KIF1B: variants seen among roughly 807,000 people sequenced by gnomAD.
KIF1B encodes kinesin-like protein KIF1B.
Under a neutral mutation model 241.9 loss-of-function variants are expected in KIF1B, and 76 were observed. That is an observed-to-expected ratio of 0.31 (90% confidence interval 0.26 to 0.38). The LOEUF (loss-of-function observed/expected upper bound fraction) is 0.38. Among genes scored for constraint, KIF1B ranks in the 10% least tolerant of loss-of-function variants. KIF1B has a pLI of 1.00. For synonymous variants in KIF1B, 750 were observed against 796.7 expected, an observed-to-expected ratio of 0.94 and a Z score of 0.99; for missense variants, 1,622 against 2,271.4, an observed-to-expected ratio of 0.71 and a Z score of 5.81.
chr1:10,281,587 C>G (rs1164338677), intron 14 of KIF1B, among the ~76,000 whole-genome samples: 1 of 152,134 alleles, frequency 6.6e-6, no homozygotes, highest in African/African-American at 2.4e-5. Context: ...TTATTTTTTG[C>G]TTGCTCTGAC....
At chr1:10,344,474 A>C (rs1458741326) in intron 34 of KIF1B, among the ~76,000 whole-genome samples, 1 of 152,226 alleles carries the variant, frequency 6.6e-6, no homozygotes, top group African/African-American at 2.4e-5. Context: ...CAGCTTCTCT[A>C]CATGTGCCTC....
At chr1:10,264,742 A>G (rs1302838892) in intron 5 of KIF1B, among the ~76,000 whole-genome samples, 3 of 150,728 alleles carry the variant, frequency 2.0e-5, no homozygotes, top group Admixed American at 6.6e-5. Context: ...GCTCACTTCA[A>G]CCTCCGCCTC....
chr1:10,248,999 A>G (rs1647299231), intron 2 of KIF1B, among the ~76,000 whole-genome samples: 1 of 152,240 alleles, frequency 6.6e-6, no homozygotes, highest in African/African-American at 2.4e-5. Flanking sequence ...TATGAAGTCT[A>G]TAATACTTTT....
At chr1:10,254,138 G>A (rs903905760) in intron 2 of KIF1B, among the ~76,000 whole-genome samples, 2 of 152,200 alleles carry the variant, frequency 1.3e-5, no homozygotes, top group East Asian at 3.8e-4. Context: ...AAAGCTTTGT[G>A]TGTATGAGTG....
intron 5 of KIF1B, among the ~76,000 whole-genome samples, 167 bp from the exon 6 acceptor site, chr1:10,267,213 T>C (rs1254037757): frequency 2.0e-5 from 3 of 152,142 alleles, no homozygotes; most frequent in Non-Finnish European, 4.4e-5. Flanking sequence ...GAGACGGGAT[T>C]TCACCATGTT....
At chr1:10,362,497 A>G (rs939076644) in intron 40 of KIF1B, among the ~76,000 whole-genome samples, 1 of 150,778 alleles carries the variant, frequency 6.6e-6, no homozygotes, top group African/African-American at 2.4e-5. Flanking sequence ...AAAAGAAAAG[A>G]AAAAGGAAAA....
At chr1:10,329,955 G>T (rs913444454) in intron 27 of KIF1B, among the ~76,000 whole-genome samples, 7 of 152,142 alleles carry the variant, frequency 4.6e-5, no homozygotes, top group African/African-American at 1.7e-4. Flanking sequence ...TAAAGATGAT[G>T]ATTCTGTGAT....
Position 10,326,384 on chromosome 1 carries a change from G to A in KIF1B, c.2924+25G>A. On this transcript the variant is annotated intron_variant, in intron 27 of 48. Transcript: ENST00000676179. The surrounding 1 kb of genome is among the most constrained non-coding windows in gnomAD (Gnocchi z 5.2). ...GGTTGGTGAGGTTATTGTGAGAAAGGCGAAAAGGGACCAGCTCTTGCTCTG... is the reference window on the plus strand; with the variant it reads ...GGTTGGTGAGGTTATTGTGAGAAAGACGAAAAGGGACCAGCTCTTGCTCTG... 1 of 1,613,850 alleles carries A rather than the reference G, an allele frequency of 6.2e-7. No homozygotes were observed. The highest frequency in any genetic ancestry group is 8.5e-7 in the Non-Finnish European group (1 of 1,180,024).
In KIF1B at chr1:10,337,062, C is replaced by T; in HGVS notation, c.3130-12C>T. On this transcript the variant is annotated splice_polypyrimidine_tract_variant and intron_variant, in intron 29 of 48. Transcript: ENST00000676179. The surrounding 1 kb of genome is among the most constrained non-coding windows in gnomAD (Gnocchi z 4.0). ...CTACTTTACCATGTATCTGCCCCTG[C>T]CTTTTTTTCAGAGTGACTTTTCGTC... The T allele has an allele frequency of 6.2e-7, 1 of 1,614,088 alleles. No homozygotes were observed. Among genetic ancestry groups the T allele is most frequent in the South Asian group, 1.1e-5 (1 of 91,068 alleles).
intron 1 of KIF1B, among the ~76,000 whole-genome samples, chr1:10,213,759 G>A (rs1228991629): frequency 6.6e-6 from 1 of 152,136 alleles, no homozygotes; most frequent in African/African-American, 2.4e-5. Flanking sequence ...GAATAAATAT[G>A]CATACTTCTT....
intron 40 of KIF1B, among the ~76,000 whole-genome samples, chr1:10,362,491 G>T (rs900960196): frequency 4.5e-5 from 5 of 110,740 alleles, no homozygotes; most frequent in Non-Finnish European, 9.8e-5. Context: ...TTAAAAAAAA[G>T]AAAAGAAAAA....
chr1:10,318,488 A>G lies in KIF1B; in HGVS notation c.2116-1555A>G, dbSNP rs187475351. 1.5e-4 allele frequency among the ~76,000 whole-genome samples: 22 copies of G among 151,620 alleles called. No homozygotes were observed. The East Asian group carries it at 3.9e-3, about 27-fold the overall frequency. On this transcript the variant is annotated intron_variant, in intron 22 of 48. Transcript: ENST00000676179. ...TGTAATCCCAGCACTTTGGGAGGCC[A>G]AGGTGGGCAGATCGTGAGGTCAGGA...
At chr1:10,219,109 T>C (rs1047418475) in intron 1 of KIF1B, among the ~76,000 whole-genome samples, 3 of 152,184 alleles carry the variant, frequency 2.0e-5, no homozygotes, top group Non-Finnish European at 4.4e-5. Flanking sequence ...GAAACCTTTT[T>C]TCCTAGTATT....
chr1:10,348,491 C>G (rs1009748287), intron 36 of KIF1B, among the ~76,000 whole-genome samples, 158 bp from the exon 37 acceptor site: 2 of 152,190 alleles, frequency 1.3e-5, no homozygotes, highest in African/African-American at 4.8e-5. Context: ...TGACACATCT[C>G]CCTTTGTTTT....
chr1:10,229,935 A>G lies in KIF1B; in HGVS notation c.-79-2315A>G, dbSNP rs574574848. Among the ~76,000 whole-genome samples, 20 of 149,610 alleles carry G rather than the reference A, an allele frequency of 1.3e-4. No homozygotes were observed. The South Asian group carries it at 3.6e-3, about 27-fold the overall frequency. On this transcript the variant is annotated intron_variant, in intron 1 of 48. Transcript: ENST00000676179. Reference sequence around the variant, plus strand: ...GGGCCAGACGTGGTGGCTCACACCTATAATCCCAGCACTTTGGGAGGCTGA... The same window carrying G: ...GGGCCAGACGTGGTGGCTCACACCTGTAATCCCAGCACTTTGGGAGGCTGA...
chr1:10,352,804 C>G lies in KIF1B; in HGVS notation c.4055+68C>G, dbSNP rs569236149. On this transcript the variant is annotated intron_variant, in intron 38 of 48. Transcript: ENST00000676179. Reference sequence around the variant, plus strand: ...CGTTAATTGGTACACCGTTAGGTGCCTTATTCATTAATGACTCCCAGTTCG... The same window carrying G: ...CGTTAATTGGTACACCGTTAGGTGCGTTATTCATTAATGACTCCCAGTTCG... The G allele has an allele frequency of 1.5e-5, 17 of 1,115,070 alleles. No individual in the cohort carries two copies. The African/African-American group carries it at 2.1e-4, about 14-fold the overall frequency. 69.1% of individuals were successfully genotyped at this position (1,115,070 alleles called of 1,614,324 possible).
At chr1:10,273,170 T>C (rs1648894593) in intron 10 of KIF1B, 139 bp downstream of exon 10, 1 of 599,406 alleles carries the variant, frequency 1.7e-6, no homozygotes, top group Non-Finnish European at 2.9e-6. Context: ...GAATTTAGAG[T>C]GGCTGTAAAT....
At chr1:10,244,066 A>G (rs1359327440) in intron 2 of KIF1B, among the ~76,000 whole-genome samples, 1 of 152,164 alleles carries the variant, frequency 6.6e-6, no homozygotes, top group Admixed American at 6.6e-5. Flanking sequence ...GGGATCAAGT[A>G]TACAGTGAAT....
At chr1:10,233,189 G>A (rs1647004538) in intron 2 of KIF1B, among the ~76,000 whole-genome samples, 1 of 152,170 alleles carries the variant, frequency 6.6e-6, no homozygotes, top group South Asian at 2.1e-4. Context: ...TGGTGGAAAT[G>A]TTTGTTCCAC....
Sources: allele counts gnomAD v4.1 joint callset (sites outside exome capture counted in the v4.1 genomes callset), GRCh38; gene constraint gnomAD v4.1.1; non-coding constraint Gnocchi (gnomAD v3.1); transcripts MANE v1.5; gene names NCBI Gene and HGNC (gene_info 2026-07-23, HGNC 2026-07-21).